Variants in PLA2G4A observed in about 807,000 individuals in gnomAD.
PLA2G4A encodes cytosolic phospholipase A2.
PLA2G4A carries 40 observed loss-of-function variants against 81.9 expected under a neutral mutation model. The ratio of observed to expected loss-of-function variants is 0.49; its 90% CI spans 0.38 to 0.64. The LOEUF is 0.64. Among genes scored for constraint, PLA2G4A ranks in the 30% least tolerant of loss-of-function variants. The pLI, the probability that PLA2G4A is intolerant of heterozygous loss-of-function variation, is 0.00. For synonymous variants in PLA2G4A, 302 were observed against 296.9 expected, an observed-to-expected ratio of 1.02 and a Z score of -0.18; for missense variants, 715 against 905.1, an observed-to-expected ratio of 0.79 and a Z score of 2.69.
intron 7 of PLA2G4A, among the ~76,000 whole-genome samples, chr1:186,924,238 G>T (rs1168745991): frequency 1.3e-5 from 2 of 152,138 alleles, no homozygotes; most frequent in Non-Finnish European, 2.9e-5. Context: ...ACATTTTCTG[G>T]ATTCTGTATT....
chr1:186,842,593 T>C (rs1652028171), intron 1 of PLA2G4A, among the ~76,000 whole-genome samples: 1 of 152,208 alleles, frequency 6.6e-6, no homozygotes, highest in South Asian at 2.1e-4. Flanking sequence ...TGGTAGGGCA[T>C]GTCCTAATCC....
At chr1:186,891,982 A>G (rs1654159884) in intron 3 of PLA2G4A, among the ~76,000 whole-genome samples, 1 of 152,016 alleles carries the variant, frequency 6.6e-6, no homozygotes, top group Non-Finnish European at 1.5e-5. Context: ...GATATAAGCC[A>G]TTTTATCCAG....
intron 7 of PLA2G4A, among the ~76,000 whole-genome samples, chr1:186,927,100 C>T (rs1655575670): frequency 6.6e-6 from 1 of 152,180 alleles, no homozygotes; most frequent in Non-Finnish European, 1.5e-5. Context: ...TAATTTCTTG[C>T]TCAGACTGAA....
intron 7 of PLA2G4A, among the ~76,000 whole-genome samples, chr1:186,923,895 T>C (rs368034377): frequency 3.9e-5 from 6 of 152,370 alleles, no homozygotes; most frequent in African/African-American, 1.4e-4. Context: ...TCATGACAGA[T>C]AGACTTGTCT....
At chr1:186,832,097 T>C (rs747498904) in intron 1 of PLA2G4A, among the ~76,000 whole-genome samples, 1 of 152,128 alleles carries the variant, frequency 6.6e-6, no homozygotes, top group African/African-American at 2.4e-5. Flanking sequence ...TTCATCTGTA[T>C]ATAGGCTGTA....
At chr1:186,840,408 CT>C (rs760271507) in intron 1 of PLA2G4A, among the ~76,000 whole-genome samples, 3 of 152,112 alleles carry the variant, frequency 2.0e-5, no homozygotes, top group Non-Finnish European at 1.5e-5. Flanking sequence ...TTCTTATGAT[CT>C]GAGAAGAAAA....
chr1:186,919,880 A>G (rs902586508), intron 7 of PLA2G4A, among the ~76,000 whole-genome samples: 1 of 152,178 alleles, frequency 6.6e-6, no homozygotes, highest in African/African-American at 2.4e-5. Flanking sequence ...GCTTAGGGAC[A>G]GGCAGGAGGG....
At chr1:186,953,274 G>A (rs534480715) in intron 13 of PLA2G4A, among the ~76,000 whole-genome samples, 3 of 152,262 alleles carry the variant, frequency 2.0e-5, no homozygotes, top group Admixed American at 6.5e-5. Context: ...TAGGTATGTA[G>A]TAGTATCTTT....
At chr1:186,863,327 T>C (rs1188053040) in intron 2 of PLA2G4A, among the ~76,000 whole-genome samples, 2 of 152,204 alleles carry the variant, frequency 1.3e-5, no homozygotes, top group Non-Finnish European at 2.9e-5. Flanking sequence ...TTTCCTTTTT[T>C]GTTTGACACT....
intron 7 of PLA2G4A, 33 bp downstream of exon 7, chr1:186,911,422 T>G: frequency 1.3e-6 from 2 of 1,488,062 alleles, no homozygotes; most frequent in South Asian, 1.1e-5. Flanking sequence ...GTTACTATAC[T>G]TTAATAATAA....
At chr1:186,935,751 C>T (rs539679238) in intron 8 of PLA2G4A, among the ~76,000 whole-genome samples, 53 of 151,988 alleles carry the variant, frequency 3.5e-4, no homozygotes, top group Admixed American at 2.0e-3. Flanking sequence ...AAACACATTA[C>T]GCTTCTATGT....
chr1:186,959,032 G>C (rs1007591179), intron 14 of PLA2G4A, among the ~76,000 whole-genome samples: 3 of 152,034 alleles, frequency 2.0e-5, no homozygotes, highest in Non-Finnish European at 4.4e-5. Context: ...GCAACTTTAG[G>C]ATGTATGCCT....
chr1:186,835,899 G>C (rs1197852902), intron 1 of PLA2G4A, among the ~76,000 whole-genome samples: 1 of 152,116 alleles, frequency 6.6e-6, no homozygotes, highest in South Asian at 2.1e-4. Context: ...CTATTACTTG[G>C]TACTTAATTT....
At chr1:186,922,604 G>T (rs1470941797) in intron 7 of PLA2G4A, among the ~76,000 whole-genome samples, 1 of 152,168 alleles carries the variant, frequency 6.6e-6, no homozygotes, top group Non-Finnish European at 1.5e-5. Context: ...CACAGGGCAG[G>T]CCTAAGCCAC....
chr1:186,984,345 C>A (rs889770075), intron 17 of PLA2G4A, among the ~76,000 whole-genome samples: 1 of 152,062 alleles, frequency 6.6e-6, no homozygotes, highest in Non-Finnish European at 1.5e-5. Context: ...TTTCTAGGAC[C>A]TGTTAATTTG....
At position 186,830,990 on chromosome 1, in the gene PLA2G4A, CTTTCTT is replaced by C. The variant is rs1207688553; in HGVS notation, c.-70+1957_-70+1962del. 1.2e-4 allele frequency among the ~76,000 whole-genome samples: 17 copies of C among 146,708 alleles called. 1 individual carries two copies. Among genetic ancestry groups the C allele is most frequent in the Admixed American group, 4.7e-4 (7 of 14,764 alleles). Reference sequence around the variant, plus strand: ...TCTTTCTTTCTTTCTTTCTTTCTTTCTTTCTTTCTTTCTTTCTTTCTTTCTTTCTTT... The same window carrying C: ...TCTTTCTTTCTTTCTTTCTTTCTTTCTCTTTCTTTCTTTCTTTCTTTCTTT... On this transcript the variant is annotated intron_variant, in intron 1 of 17. Transcript: ENST00000367466.
At chr1:186,832,382 T>C (rs906983468) in intron 1 of PLA2G4A, among the ~76,000 whole-genome samples, 6 of 152,150 alleles carry the variant, frequency 3.9e-5, no homozygotes, top group Non-Finnish European at 7.4e-5. Context: ...TTCTCAATTG[T>C]AAAATAGAAA....
intron 7 of PLA2G4A, among the ~76,000 whole-genome samples, chr1:186,912,312 A>G (rs1654975061): frequency 6.6e-6 from 1 of 152,196 alleles, no homozygotes; most frequent in African/African-American, 2.4e-5. Context: ...TTGACACATC[A>G]TTATCATCCA....
intron 8 of PLA2G4A, among the ~76,000 whole-genome samples, chr1:186,936,831 T>C (rs6679956): frequency 0.96 from 145,220 of 151,930 alleles, 69,443 homozygotes; most frequent in East Asian, 1. Flanking sequence ...TTGAAAAATT[T>C]GAGGCAAATA....
Sources: allele counts gnomAD v4.1 joint callset (sites outside exome capture counted in the v4.1 genomes callset), GRCh38; gene constraint gnomAD v4.1.1; transcripts MANE v1.5; gene names NCBI Gene and HGNC (gene_info 2026-07-23, HGNC 2026-07-21).